POLR1D: variants seen among roughly 807,000 people sequenced by gnomAD.
POLR1D encodes the protein DNA-directed RNA polymerases I and III subunit RPAC2.
POLR1D carries 8 observed loss-of-function variants against 10.8 expected under a neutral mutation model. That is an observed-to-expected ratio of 0.74 (90% CI 0.43 to 1.33). The LOEUF is 1.33. Among genes scored for constraint, POLR1D ranks in the 40% most tolerant of loss-of-function variants. POLR1D has a pLI of 0.01. For synonymous variants in POLR1D, 54 were observed against 57.2 expected, an observed-to-expected ratio of 0.94 and a Z score of 0.25; for missense variants, 152 against 161.7, an observed-to-expected ratio of 0.94 and a Z score of 0.32.
downstream of POLR1D, among the ~76,000 whole-genome samples, chr13:27,627,799 A>G (rs1340164044): frequency 6.7e-6 from 1 of 148,676 alleles, no homozygotes; most frequent in Non-Finnish European, 1.5e-5. Flanking sequence ...ACTGGAAGAC[A>G]GCAGTGAACT....
intron 1 of POLR1D, among the ~76,000 whole-genome samples, chr13:27,637,719 A>C (rs540643074): frequency 2.0e-5 from 3 of 152,296 alleles, no homozygotes; most frequent in South Asian, 2.1e-4. Flanking sequence ...ATAAATTGGC[A>C]CCAGAAAAAC....
rs1175716312 is a variant in POLR1D, at chr13:27,663,346, C to T, written c.102-2340C>T. 2.0e-5 allele frequency among the ~76,000 whole-genome samples: 3 copies of T among 152,158 alleles called. No individual in the cohort carries two copies. Among genetic ancestry groups the T allele is most frequent in the Non-Finnish European group, 4.4e-5 (3 of 68,026 alleles). ...CCCAGTAAACCAAGATCTCCTCAGG[C>T]CACCCTTGGCTATTTACCTAGAATA... is the stretch of plus-strand genomic sequence containing the variant. On this transcript the variant is annotated intron_variant, in intron 2 of 2. Coordinates refer to the POLR1D transcript ENST00000399697. This position sits in a 1 kb window ranked among gnomAD's most constrained non-coding sequence, Gnocchi z 4.1.
chr13:27,659,804 T>G (rs918048520), intron 2 of POLR1D, among the ~76,000 whole-genome samples: 5 of 152,032 alleles, frequency 3.3e-5, no homozygotes, highest in African/African-American at 9.7e-5. Flanking sequence ...TCCCCTACCT[T>G]CTGTTCCTCT....
intron 1 of POLR1D, among the ~76,000 whole-genome samples, chr13:27,642,772 C>T (rs940506298): frequency 6.6e-6 from 1 of 152,138 alleles, no homozygotes; most frequent in Non-Finnish European, 1.5e-5. Flanking sequence ...GGATCCAAAT[C>T]AAATATTTTA....
rs774653944 is a variant in POLR1D at position 27,622,858 on chromosome 13, A to T, written c.27-17A>T. On this transcript the variant is annotated splice_polypyrimidine_tract_variant and intron_variant, in intron 1 of 1. Coordinates refer to ENST00000302979, the MANE Select transcript of POLR1D (RefSeq NM_015972.4). ...ATATTCAGTATGATCTCATTTTTAT[A>T]AAAAATATGTGTGTAGAAAAATATC... 35 of 1,547,258 alleles carry T rather than the reference A, an allele frequency of 2.3e-5. No homozygotes were observed. The highest frequency in any genetic ancestry group is 3.1e-5 in the Non-Finnish European group (35 of 1,120,362).
downstream of POLR1D, among the ~76,000 whole-genome samples, chr13:27,624,590 G>A (rs1955989209): frequency 6.6e-6 from 1 of 152,026 alleles, no homozygotes; most frequent in Non-Finnish European, 1.5e-5. Flanking sequence ...TAAAGCATGT[G>A]TTATAAGAGC....
chr13:27,664,937 A>G (rs965376487), intron 2 of POLR1D: 6 of 152,362 alleles, frequency 3.9e-5, no homozygotes, highest in African/African-American at 1.4e-4. Flanking sequence ...TTTGAAAATG[A>G]AAGATTTATT....
intron 1 of POLR1D, among the ~76,000 whole-genome samples, chr13:27,641,294 C>T (rs17821569): frequency 0.081 from 12,282 of 152,266 alleles, 651 homozygotes; most frequent in Non-Finnish European, 0.11. Flanking sequence ...TCCTACACAT[C>T]TGGTGTTTCT....
At chr13:27,637,814 A>G (rs35420901) in intron 1 of POLR1D, among the ~76,000 whole-genome samples, 17,075 of 150,890 alleles carry the variant, frequency 0.11, 1,051 homozygotes, top group East Asian at 0.26. Flanking sequence ...TTTTTTTTTT[A>G]GAGATAGGGT....
Position 27,663,435 on chromosome 13 carries a change from A to G in POLR1D, c.102-2251A>G, listed in dbSNP as rs77041548. ...TGATGTTAAAAGAGATGTAAATGCC[A>G]GTTTTCTTGTGGAATTATTCTATAA... is the stretch of plus-strand genomic sequence containing the variant. On this transcript the variant is annotated intron_variant, in intron 2 of 2. Transcript: ENST00000399697. The surrounding 1 kb of genome is among the most constrained non-coding windows in gnomAD (Gnocchi z 4.1). Among the ~76,000 whole-genome samples the G allele has an allele frequency of 1.7e-3, 260 of 152,300 alleles. 4 individuals are homozygous for G. The East Asian group carries it at 0.04, about 24-fold the overall frequency.
At chr13:27,626,818 T>C (rs1163502026), downstream of POLR1D, among the ~76,000 whole-genome samples, 1 of 152,250 alleles carries the variant, frequency 6.6e-6, no homozygotes, top group East Asian at 1.9e-4. Flanking sequence ...TACAAGCTAA[T>C]TATTTACAAA....
intron 2 of POLR1D, among the ~76,000 whole-genome samples, chr13:27,659,982 TTA>T: frequency 6.6e-6 from 1 of 151,968 alleles, no homozygotes; most frequent in East Asian, 1.9e-4. Flanking sequence ...CAATGATTTT[TTA>T]TTACTTTTAG....
At chr13:27,665,407 C>T in intron 2 of POLR1D, 1 of 446,250 alleles carries the variant, frequency 2.2e-6, no homozygotes, top group East Asian at 4.2e-5. Flanking sequence ...ACAGTGTGGT[C>T]AATACCTGTA....
Position 27,657,556 on chromosome 13 carries a change from A to AT in POLR1D, c.102-8129dup, listed in dbSNP as rs561915202. On this transcript the variant is annotated intron_variant, in intron 2 of 2. Coordinates refer to the POLR1D transcript ENST00000399697. ...AATAAAAAATGAATAAAAAATAAAA[A>AT]TACACATCTCCTTCCCTGCCTCACT... Among the ~76,000 whole-genome samples the AT allele has an allele frequency of 9.9e-5, 15 of 152,210 alleles. No individual in the cohort carries two copies. The East Asian group carries it at 2.1e-3, about 22-fold the overall frequency.
chr13:27,621,070 G>C (rs570193651), upstream of POLR1D: 2 of 153,234 alleles, frequency 1.3e-5, no homozygotes, highest in East Asian at 3.8e-4. Context: ...CGGGACGCAG[G>C]GAGCTGGATG....
At position 27,622,002 on chromosome 13, in the gene POLR1D, C is replaced by A; in HGVS notation, c.19C>A (p.Leu7Met). MEEDQE[L>M]ERKISGLKTS... ...CCCAGCGATGGAAGAGGATCAGGAGCTGGAGAGGTAACGGCCGAGGAGGAG... is the reference window on the plus strand; with the variant it reads ...CCCAGCGATGGAAGAGGATCAGGAGATGGAGAGGTAACGGCCGAGGAGGAG... Residue 7 changes from leucine (L) to methionine (M), a missense_variant, in exon 1 of 2, where the codon CTG becomes ATG. Transcript: ENST00000302979. 1 of 1,591,290 alleles carries A rather than the reference C, an allele frequency of 6.3e-7. No individual in the cohort carries two copies.
intron 2 of POLR1D, among the ~76,000 whole-genome samples, chr13:27,661,907 T>C (rs923339118): frequency 1.3e-5 from 2 of 152,230 alleles, no homozygotes; most frequent in East Asian, 1.9e-4. Context: ...AGCTCAAAGG[T>C]AGTATGTAGT....
chr13:27,652,205 G>A (rs1013165733), intron 2 of POLR1D, among the ~76,000 whole-genome samples: 1 of 152,126 alleles, frequency 6.6e-6, no homozygotes, highest in Non-Finnish European at 1.5e-5. Flanking sequence ...AGCGTTCAAG[G>A]GGATTGGTTG....
At chr13:27,656,720 GC>G (rs1956311288) in intron 2 of POLR1D, among the ~76,000 whole-genome samples, 1 of 152,114 alleles carries the variant, frequency 6.6e-6, no homozygotes, top group African/African-American at 2.4e-5. Flanking sequence ...AGTTCTCTGT[GC>G]CCCTTTACCC....
Sources: allele counts gnomAD v4.1 joint callset (sites outside exome capture counted in the v4.1 genomes callset), GRCh38; gene constraint gnomAD v4.1.1; non-coding constraint Gnocchi (gnomAD v3.1); transcripts MANE v1.5; gene names NCBI Gene and HGNC (gene_info 2026-07-23, HGNC 2026-07-21).